DLGAP2: variants seen among roughly 807,000 people sequenced by gnomAD.
DLGAP2 encodes the protein DLG associated protein 2, also known as disks large-associated protein 2.
A neutral mutation model predicts 100.3 loss-of-function variants in DLGAP2; 26 were observed. The ratio of observed to expected loss-of-function variants is 0.26; its 90% confidence interval spans 0.19 to 0.36. The LOEUF (loss-of-function observed/expected upper bound fraction) is 0.36, where lower values mean the gene tolerates loss of function less well. Among genes scored for constraint, DLGAP2 ranks in the 10% least tolerant of loss-of-function variants. DLGAP2 has a pLI of 1.00. For missense variants in DLGAP2, 1,858 were observed against 1,453.2 expected (o/e 1.28, Z -4.53); for synonymous variants, 886 against 630.1 (o/e 1.41, Z -6.08).
intron 2 of DLGAP2, among the ~76,000 whole-genome samples, chr8:1,133,729 G>C (rs949604349): frequency 6.6e-6 from 1 of 152,126 alleles, no homozygotes; most frequent in Non-Finnish European, 1.5e-5. Context: ...ATAGAATTAA[G>C]AGTAATCTAA....
chr8:1,619,317 A>T (rs931561660), intron 6 of DLGAP2, among the ~76,000 whole-genome samples: 3 of 152,256 alleles, frequency 2.0e-5, no homozygotes, highest in African/African-American at 7.2e-5. Flanking sequence ...AAAGAATGAC[A>T]ATACAACATG....
chr8:943,208 C>T (rs1291184771), intron 2 of DLGAP2, among the ~76,000 whole-genome samples: 1 of 152,166 alleles, frequency 6.6e-6, no homozygotes, highest in Non-Finnish European at 1.5e-5. Context: ...GTTGAGTGCT[C>T]AGACACAGGA....
At chr8:1,215,797 A>C (rs11785736) in intron 2 of DLGAP2, among the ~76,000 whole-genome samples, 3 of 104,906 alleles carry the variant, frequency 2.9e-5, no homozygotes, top group Admixed American at 1.9e-4. Flanking sequence ...CCAGGTACCT[A>C]TATGGGTTCA....
At chr8:812,044 G>A (rs1422497689) in intron 1 of DLGAP2, among the ~76,000 whole-genome samples, 2 of 152,222 alleles carry the variant, frequency 1.3e-5, no homozygotes, top group African/African-American at 2.4e-5. Flanking sequence ...TGTACTGGTC[G>A]AGGTTCTCCA....
rs981004511 is a variant in DLGAP2 at position 1,705,065 on chromosome 8, GA to G, written c.*3660del. ...TGTAAGCATCGCTACCCGAGTCCAG[GA>G]TGGAATTTCACAGGAAAGTGAAGGG... is the stretch of plus-strand genomic sequence containing the variant. On this transcript the variant is annotated 3_prime_UTR_variant, in exon 15 of 15. Transcript: ENST00000637795. 4 of 152,250 alleles carry G rather than the reference GA, an allele frequency of 2.6e-5. No homozygotes were observed. Among genetic ancestry groups the G allele is most frequent in the African/African-American group, 7.2e-5 (3 of 41,456 alleles). 9.4% of individuals were successfully genotyped at this position (152,250 alleles called of 1,614,324 possible).
At chr8:770,297 G>A (rs1191977292) in intron 1 of DLGAP2, among the ~76,000 whole-genome samples, 3 of 152,130 alleles carry the variant, frequency 2.0e-5, no homozygotes, top group Non-Finnish European at 4.4e-5. Context: ...ATGGAGGTGT[G>A]AGGGAGGCCT....
chr8:906,088 G>A lies in DLGAP2; in HGVS notation c.19-1824G>A, dbSNP rs142258936. On this transcript the variant is annotated intron_variant, in intron 1 of 14. Transcript: ENST00000637795. ...CAGGGCCCCAAGTTCCACTGTGGAC[G>A]TGCGTGGGGCTTACCTATGGGCAGC... Among the ~76,000 whole-genome samples, 597 of 152,344 alleles carry A rather than the reference G, an allele frequency of 3.9e-3. 5 individuals carry two copies. The highest frequency in any genetic ancestry group is 0.014 in the African/African-American group (577 of 41,586).
chr8:1,336,277 C>G (rs917317279), intron 3 of DLGAP2, among the ~76,000 whole-genome samples: 2 of 152,178 alleles, frequency 1.3e-5, no homozygotes, highest in South Asian at 2.1e-4. Context: ...AACAGTCAAG[C>G]AACTCTGAGA....
Position 844,887 on chromosome 8 carries a change from T to G in DLGAP2, c.19-63025T>G, listed in dbSNP as rs574236457. 2.6e-5 allele frequency among the ~76,000 whole-genome samples: 4 copies of G among 152,332 alleles called. No individual in the cohort carries two copies. In the South Asian group the frequency reaches 8.3e-4, roughly 32 times the overall value. On this transcript the variant is annotated intron_variant, in intron 1 of 14. Coordinates refer to ENST00000637795, the MANE Select transcript of DLGAP2 (RefSeq NM_001346810.2). ...ACCACAAATCCACTTCTGTCTCGGT[T>G]GATTACCATGCTCTGGACATTTCGT...
At chr8:1,347,928 C>G (rs1398406710) in intron 3 of DLGAP2, among the ~76,000 whole-genome samples, 1 of 151,144 alleles carries the variant, frequency 6.6e-6, no homozygotes, top group Non-Finnish European at 1.5e-5. Flanking sequence ...CTCATGGTAG[C>G]TGTGTGGAGA....
rs995916373 is a variant in DLGAP2 at position 1,449,272 on chromosome 8, G to T, written c.107-52094G>T. ...GAAGTCCTCACCCTGGTGATTCCGGGGTAATTGTTCTGAGACAGGGTCGGG... is the reference window on the plus strand; with the variant it reads ...GAAGTCCTCACCCTGGTGATTCCGGTGTAATTGTTCTGAGACAGGGTCGGG... On this transcript the variant is annotated intron_variant, in intron 3 of 14. Coordinates refer to ENST00000637795, the MANE Select transcript of DLGAP2 (RefSeq NM_001346810.2). Among the ~76,000 whole-genome samples, 7 of 152,318 alleles carry T rather than the reference G, an allele frequency of 4.6e-5. No homozygotes were observed. The East Asian group carries it at 1.4e-3, about 29-fold the overall frequency.
chr8:1,167,913 G>C (rs1797051308), intron 2 of DLGAP2, among the ~76,000 whole-genome samples: 1 of 151,782 alleles, frequency 6.6e-6, no homozygotes, highest in Non-Finnish European at 1.5e-5. Flanking sequence ...TAAGTTTTAG[G>C]GTACATGTGC....
At chr8:1,076,932 G>T (rs1803634780) in intron 2 of DLGAP2, among the ~76,000 whole-genome samples, 1 of 142,440 alleles carries the variant, frequency 7.0e-6, no homozygotes, top group Non-Finnish European at 1.5e-5. Context: ...GGAGGAGGAG[G>T]AGTCTGTCCC....
intron 2 of DLGAP2, among the ~76,000 whole-genome samples, chr8:1,140,277 C>T (rs1429241435): frequency 6.6e-6 from 1 of 152,146 alleles, no homozygotes. Context: ...GGTGACAGCA[C>T]CTCTGCTCCT....
chr8:807,254 T>G (rs1179998625), intron 1 of DLGAP2, among the ~76,000 whole-genome samples: 1 of 151,366 alleles, frequency 6.6e-6, no homozygotes, highest in African/African-American at 2.4e-5. Flanking sequence ...TTTCTTCTCA[T>G]TCATACGTTC....
In DLGAP2 at chr8:1,446,998, A is replaced by T. The variant is rs1192936296; in HGVS notation, c.107-54368A>T. 2.6e-5 allele frequency among the ~76,000 whole-genome samples: 4 copies of T among 152,180 alleles called. No homozygotes were observed. The East Asian group carries it at 7.7e-4, about 29-fold the overall frequency. The stretch of plus-strand genomic sequence containing the variant: ...CAGCTTAAGGAGATTTTGGGCTGAG[A>T]CAATGGGGTTTTCTAGATATACAAT... On this transcript the variant is annotated intron_variant, in intron 3 of 14. Coordinates refer to ENST00000637795, the MANE Select transcript of DLGAP2 (RefSeq NM_001346810.2).
At chr8:1,592,115 G>T (rs1796310291) in intron 6 of DLGAP2, among the ~76,000 whole-genome samples, 1 of 152,120 alleles carries the variant, frequency 6.6e-6, no homozygotes, top group South Asian at 2.1e-4. Context: ...AGCTGCGATG[G>T]GTGCAGAGCA....
chr8:883,363 A>G (rs539113770), intron 1 of DLGAP2: 1 of 152,274 alleles, frequency 6.6e-6, no homozygotes, highest in South Asian at 2.1e-4. Context: ...GCCTGGGCCT[A>G]CATTGGCCTA....
In DLGAP2 at chr8:955,763, C is replaced by T. The variant is rs146566276; in HGVS notation, c.73+47797C>T. The stretch of plus-strand genomic sequence containing the variant: ...ATAGGATTGCATTGTTGCAATCTTC[C>T]GGCTTGGGAAGAATGGACATATTCC... On this transcript the variant is annotated intron_variant, in intron 2 of 14. Coordinates refer to ENST00000637795, the MANE Select transcript of DLGAP2 (RefSeq NM_001346810.2). Among the ~76,000 whole-genome samples the T allele has an allele frequency of 2.2e-3, 332 of 152,246 alleles. 2 individuals are homozygous for T. Among genetic ancestry groups the T allele is most frequent in the African/African-American group, 7.6e-3 (317 of 41,520 alleles).
Sources: allele counts gnomAD v4.1 joint callset (sites outside exome capture counted in the v4.1 genomes callset), GRCh38; gene constraint gnomAD v4.1.1; transcripts MANE v1.5; gene names NCBI Gene and HGNC (gene_info 2026-07-23, HGNC 2026-07-21).